Variants in VPS13B observed in about 807,000 individuals in gnomAD.
VPS13B encodes the protein vacuolar protein sorting 13 homolog B.
A neutral mutation model predicts 426.4 loss-of-function variants in VPS13B; 285 were observed. The observed-to-expected ratio is 0.67, with a 90% CI of 0.61 to 0.74. VPS13B has a LOEUF of 0.74. Ranked by LOEUF, VPS13B falls within the 30% of genes least tolerant of loss-of-function variation. The pLI is 0.00. For synonymous variants in VPS13B, 1,676 were observed against 1,676.4 expected (o/e 1.00, Z 0.01); for missense variants, 4,537 against 4,782.6 (o/e 0.95, Z 1.51).
At chr8:99,579,544 C>G (rs1029662849) in intron 33 of VPS13B, among the ~76,000 whole-genome samples, 1 of 151,950 alleles carries the variant, frequency 6.6e-6, no homozygotes, top group African/African-American at 2.4e-5. Context: ...ATTACAGGTG[C>G]CTGCCACCAT....
rs368300341 is a variant in VPS13B, at chr8:99,720,630, ACAAT to A, written c.6865+82_6865+85del. ...TTAAATGCATGTTGACTAAATAAAA[ACAAT>A]CAAGATGGCTTTTTAAAGTGCGTTA... On this transcript the variant is annotated intron_variant, in intron 38 of 61. Coordinates refer to ENST00000357162, the MANE Select transcript of VPS13B (RefSeq NM_152564.5). The A allele has an allele frequency of 2.4e-4, 357 of 1,471,270 alleles. 2 individuals carry two copies. In the African/African-American group the frequency reaches 3.8e-3, roughly 16 times the overall value. The allele number at this position is 1,471,270 out of a possible 1,614,324, so 91.1% of individuals were successfully genotyped here.
At chr8:99,250,299 A>G (rs968735339) in intron 17 of VPS13B, among the ~76,000 whole-genome samples, 7 of 152,150 alleles carry the variant, frequency 4.6e-5, no homozygotes, top group African/African-American at 1.7e-4. Context: ...GTTTACAACT[A>G]TCTTTTCTCA....
chr8:99,642,213 C>G lies in VPS13B; in HGVS notation c.5623C>G (p.Leu1875Val), dbSNP rs767747227. 2 of 1,614,116 alleles carry G rather than the reference C, an allele frequency of 1.2e-6. No individual in the cohort carries two copies. The highest frequency in any genetic ancestry group is 2.2e-5 in the South Asian group (2 of 91,078). Residue 1875 changes from leucine to valine, a missense_variant, in exon 34 of 62, where the codon CTC becomes GTC. This residue lies in a region of VPS13B where 4,311 missense variants were observed against 4,474.3 expected (regional missense o/e 0.96). Coordinates refer to ENST00000357162, the MANE Select transcript of VPS13B (RefSeq NM_152564.5). ...ACISTVTAEDLLRSSISFPSG... is the reference protein window; with the variant it reads ...ACISTVTAEDVLRSSISFPSG... ...TATTTCCACGGTGACAGCAGAAGATCTCTTAAGGAGCAGCATTTCTTTTCC... is the reference window on the plus strand; with the variant it reads ...TATTTCCACGGTGACAGCAGAAGATGTCTTAAGGAGCAGCATTTCTTTTCC...
intron 16 of VPS13B, among the ~76,000 whole-genome samples, chr8:99,182,018 T>C (rs1158238605): frequency 6.6e-6 from 1 of 151,854 alleles, no homozygotes; most frequent in Non-Finnish European, 1.5e-5. Context: ...ACCAAACACA[T>C]AAAAAAGAAC....
chr8:99,766,265 G>A (rs1811220649), intron 39 of VPS13B, among the ~76,000 whole-genome samples: 1 of 151,666 alleles, frequency 6.6e-6, no homozygotes, highest in African/African-American at 2.4e-5. Context: ...TGTATTTTTA[G>A]TGGAGATGGG....
intron 7 of VPS13B, among the ~76,000 whole-genome samples, chr8:99,118,482 T>C (rs1847782283): frequency 6.6e-6 from 1 of 152,162 alleles, no homozygotes; most frequent in Non-Finnish European, 1.5e-5. Flanking sequence ...AAAACACTCA[T>C]CAAGATATAG....
chr8:99,571,588 T>C (rs1201115123), intron 31 of VPS13B, among the ~76,000 whole-genome samples: 1 of 152,172 alleles, frequency 6.6e-6, no homozygotes, highest in Non-Finnish European at 1.5e-5. Context: ...CTTTTTTTCA[T>C]TGCCCTTGGT....
chr8:99,320,144 C>T (rs2133125207), intron 19 of VPS13B, among the ~76,000 whole-genome samples: 1 of 152,194 alleles, frequency 6.6e-6, no homozygotes, highest in South Asian at 2.1e-4. Flanking sequence ...GGAATTGTGG[C>T]CTTCAGTTTC....
chr8:99,410,122 A>C (rs1031478744), intron 21 of VPS13B, among the ~76,000 whole-genome samples: 4 of 152,216 alleles, frequency 2.6e-5, no homozygotes, highest in Admixed American at 2.0e-4. Flanking sequence ...GTATCTCTAA[A>C]GCTATTGAAA....
intron 17 of VPS13B, among the ~76,000 whole-genome samples, chr8:99,220,761 A>G (rs1815660345): frequency 6.8e-6 from 1 of 146,538 alleles, no homozygotes; most frequent in Non-Finnish European, 1.5e-5. Flanking sequence ...AGAACTGAGA[A>G]ATTCTTCTTA....
intron 17 of VPS13B, among the ~76,000 whole-genome samples, chr8:99,263,835 G>A (rs1028118369): frequency 3.3e-5 from 5 of 152,060 alleles, no homozygotes; most frequent in African/African-American, 1.2e-4. Flanking sequence ...CTTTGGGGGG[G>A]ACCATTATTC....
chr8:99,048,102 T>C (rs1843327155), intron 3 of VPS13B, among the ~76,000 whole-genome samples: 1 of 152,240 alleles, frequency 6.6e-6, no homozygotes, highest in Non-Finnish European at 1.5e-5. Context: ...ATATTATTGT[T>C]GACCCAATGA....
At chr8:99,042,598 C>T (rs1843012283) in intron 3 of VPS13B, among the ~76,000 whole-genome samples, 1 of 152,236 alleles carries the variant, frequency 6.6e-6, no homozygotes, top group Admixed American at 6.5e-5. Context: ...TTCCCATAAG[C>T]ACGGATTCCT....
chr8:99,866,548 C>G (rs1183697276), intron 58 of VPS13B, among the ~76,000 whole-genome samples: 2 of 152,230 alleles, frequency 1.3e-5, no homozygotes, highest in Non-Finnish European at 2.9e-5. Context: ...CCCAAATAGT[C>G]TTATCTGTCA....
chr8:99,448,561 A>G (rs1191664668), intron 23 of VPS13B, among the ~76,000 whole-genome samples: 1 of 152,172 alleles, frequency 6.6e-6, no homozygotes, highest in Non-Finnish European at 1.5e-5. Flanking sequence ...ATGTACCCAG[A>G]TAGAAAACTG....
At chr8:99,361,282 T>A (rs1812542852) in intron 19 of VPS13B, among the ~76,000 whole-genome samples, 1 of 152,204 alleles carries the variant, frequency 6.6e-6, no homozygotes, top group Non-Finnish European at 1.5e-5. Flanking sequence ...CTCTCAGTTT[T>A]TAGGCTAAGA....
At chr8:99,135,475 T>C in intron 10 of VPS13B, 121 bp from the exon 11 acceptor site, 3 of 1,323,126 alleles carry the variant, frequency 2.3e-6, no homozygotes, top group Non-Finnish European at 3.1e-6. Flanking sequence ...CAGCATTCCT[T>C]ATCTTTCTGT....
In VPS13B at chr8:99,135,072, G is replaced by A; in HGVS notation, c.1360G>A (p.Ala454Thr). ...CCAGATTGGGTTTGTTGGTTGCAGAGCCATGTGCCTTAAAGGAATTATGGG... is the reference window on the plus strand; with the variant it reads ...CCAGATTGGGTTTGTTGGTTGCAGAACCATGTGCCTTAAAGGAATTATGGG... ...DCQIGFVGCR[A>T]MCLKGIMGVK... is the part of the protein sequence containing the mutation. The change falls in exon 10 of 62, where the codon GCC (alanine) becomes ACC (threonine). Residue 454 changes from alanine (A) to threonine (T), a missense_variant. Ala to Thr is a moderately conservative substitution (Grantham distance 58). Coordinates refer to ENST00000357162, the MANE Select transcript of VPS13B (RefSeq NM_152564.5). 2 of 1,613,600 alleles carry A rather than the reference G, an allele frequency of 1.2e-6. No individual in the cohort carries two copies. The highest frequency in any genetic ancestry group is 1.7e-6 in the Non-Finnish European group (2 of 1,179,652).
At position 99,597,360 on chromosome 8, in the gene VPS13B, C is replaced by T. The variant is rs118096254; in HGVS notation, c.5220+19727C>T. ...AATAAGTTTAGGTATAATACTGAAG[C>T]TTTCATTGTTCATGCTCCATCCTTC... On this transcript the variant is annotated intron_variant, in intron 33 of 61. Transcript: ENST00000357162. 2.6e-3 allele frequency among the ~76,000 whole-genome samples: 388 copies of T among 152,112 alleles called. 2 individuals carry two copies. Among genetic ancestry groups the T allele is most frequent in the Non-Finnish European group, 4.7e-3 (318 of 67,928 alleles).
Sources: allele counts gnomAD v4.1 joint callset (sites outside exome capture counted in the v4.1 genomes callset), GRCh38; gene constraint gnomAD v4.1.1; regional missense constraint gnomAD v4.1.1; transcripts MANE v1.5; gene names NCBI Gene and HGNC (gene_info 2026-07-23, HGNC 2026-07-21).